UNC13B: variants seen among roughly 807,000 people sequenced by gnomAD.
UNC13B encodes unc-13 homolog B.
A neutral mutation model predicts 211.0 loss-of-function variants in UNC13B; 144 were observed. That is an observed-to-expected ratio of 0.68 (90% CI 0.60 to 0.78). The LOEUF is 0.78. Ranked by LOEUF, UNC13B falls within the 30% of genes least tolerant of loss-of-function variation. The pLI is 0.00. For missense variants in UNC13B, 1,777 were observed against 2,002.0 expected (o/e 0.89, Z 2.14); for synonymous variants, 709 against 725.8 (o/e 0.98, Z 0.37).
intron 1 of UNC13B, among the ~76,000 whole-genome samples, chr9:35,225,510 C>G (rs1456920768): frequency 6.6e-6 from 1 of 151,912 alleles, no homozygotes; most frequent in Non-Finnish European, 1.5e-5. Flanking sequence ...ACAATTCCTT[C>G]TTTTAATGTT....
chr9:35,198,763 T>C lies in UNC13B; in HGVS notation c.23-29252T>C, dbSNP rs1384502077. 2.6e-5 allele frequency among the ~76,000 whole-genome samples: 4 copies of C among 152,108 alleles called. No homozygotes were observed. In the East Asian group the frequency reaches 7.7e-4, roughly 29 times the overall value. ...AGGCTGAGGAGTTTTCAGATGGAGA[T>C]GAGGAACTTACTGGGAACTGGAGCA... On this transcript the variant is annotated intron_variant, in intron 1 of 39. Transcript: ENST00000635942.
chr9:35,169,833 A>G (rs1018999499), intron 1 of UNC13B, among the ~76,000 whole-genome samples: 3 of 152,242 alleles, frequency 2.0e-5, no homozygotes, highest in Non-Finnish European at 4.4e-5. Flanking sequence ...CTTTAGGCCA[A>G]TAAGCTTAAT....
At chr9:35,259,795 G>GC (rs1257249928) in intron 7 of UNC13B, among the ~76,000 whole-genome samples, 2 of 130,226 alleles carry the variant, frequency 1.5e-5, no homozygotes, top group Non-Finnish European at 3.2e-5. Flanking sequence ...GTAGGGGGAT[G>GC]CGGGGGGGGG....
chr9:35,201,693 A>AT lies in UNC13B; in HGVS notation c.23-26316dup, dbSNP rs1231833422. 2.0e-5 allele frequency among the ~76,000 whole-genome samples: 3 copies of AT among 151,986 alleles called. No individual in the cohort carries two copies. The East Asian group carries it at 5.8e-4, about 29-fold the overall frequency. The stretch of plus-strand genomic sequence containing the variant: ...GATCGGTGGTGATATCCCCTTTATC[A>AT]TTTTTTACTGCGTCTATTTGATTCT... On this transcript the variant is annotated intron_variant, in intron 1 of 39. Transcript: ENST00000635942.
At chr9:35,319,838 T>C (rs1830652392) in intron 11 of UNC13B, among the ~76,000 whole-genome samples, 2 of 152,102 alleles carry the variant, frequency 1.3e-5, no homozygotes, top group South Asian at 4.2e-4. Flanking sequence ...TAAAAAATTC[T>C]TGTGTAGAGA....
At chr9:35,374,751 G>A (rs1834287148) in intron 13 of UNC13B, among the ~76,000 whole-genome samples, 1 of 152,198 alleles carries the variant, frequency 6.6e-6, no homozygotes, top group Non-Finnish European at 1.5e-5. Flanking sequence ...ACAGAGTTGT[G>A]TGTCTCTATT....
chr9:35,226,355 T>C (rs543695329), intron 1 of UNC13B, among the ~76,000 whole-genome samples: 1 of 150,846 alleles, frequency 6.6e-6, no homozygotes, highest in Admixed American at 6.6e-5. Context: ...ACTGATAGGG[T>C]GTGTGTGTGT....
intron 27 of UNC13B, 96 bp from the exon 28 acceptor site, chr9:35,396,745 C>G: frequency 6.3e-7 from 1 of 1,598,936 alleles, no homozygotes; most frequent in Non-Finnish European, 8.6e-7. Flanking sequence ...TAAACTGTGC[C>G]CTGCCATCCC....
chr9:35,209,868 T>G (rs1401902375), intron 1 of UNC13B, among the ~76,000 whole-genome samples: 1 of 152,204 alleles, frequency 6.6e-6, no homozygotes, highest in Non-Finnish European at 1.5e-5. Flanking sequence ...AACCTTATTT[T>G]TAGTGTTATG....
intron 1 of UNC13B, among the ~76,000 whole-genome samples, chr9:35,168,686 T>A (rs1458902011): frequency 6.6e-6 from 1 of 150,616 alleles, no homozygotes; most frequent in Non-Finnish European, 1.5e-5. Context: ...ATTTTCCATA[T>A]GAACATGTAT....
intron 1 of UNC13B, among the ~76,000 whole-genome samples, chr9:35,163,167 C>G (rs930003283): frequency 6.6e-6 from 1 of 152,112 alleles, no homozygotes; most frequent in Non-Finnish European, 1.5e-5. Flanking sequence ...TTTGGATTAG[C>G]CATTGAATTT....
At chr9:35,217,396 G>A (rs917940140) in intron 1 of UNC13B, among the ~76,000 whole-genome samples, 4 of 139,330 alleles carry the variant, frequency 2.9e-5, no homozygotes, top group African/African-American at 7.8e-5. Flanking sequence ...TGTTTTTTTT[G>A]TTTTTTTTTT....
rs1369809913 is a variant in UNC13B at position 35,299,099 on chromosome 9, G to A, written c.762-1067G>A. Among the ~76,000 whole-genome samples, 4 of 152,246 alleles carry A rather than the reference G, an allele frequency of 2.6e-5. No individual in the cohort carries two copies. In the East Asian group the frequency reaches 7.7e-4, roughly 29 times the overall value. ...ATACAAAAATTAGCTGGGCCTAGTC[G>A]TGGGTGCCTGTAGACCCAGCTACTC... is the stretch of plus-strand genomic sequence containing the variant. On this transcript the variant is annotated intron_variant, in intron 8 of 39. Transcript: ENST00000635942.
At position 35,306,645 on chromosome 9, in the gene UNC13B, C is replaced by A; in HGVS notation, c.7241C>A (p.Pro2414His). ...DPVNLPLEKA[P>H]DEVLPQILEP... ...GTGAACTTGCCATTAGAAAAGGCCC[C>A]CGATGAGGTCTTACCACAGATCCTA... The change falls in exon 9 of 40, where the codon CCC (proline) becomes CAC (histidine). Residue 2414 changes from proline (P) to histidine (H), a missense_variant. Transcript: ENST00000635942. 1 of 399,010 alleles carries A rather than the reference C, an allele frequency of 2.5e-6. No individual in the cohort carries two copies. Among genetic ancestry groups the A allele is most frequent in the South Asian group, 1.3e-4 (1 of 7,840 alleles). The allele number at this position is 399,010 out of a possible 1,614,324, so 24.7% of individuals were successfully genotyped here.
At chr9:35,252,174 G>T (rs1204218221) in intron 6 of UNC13B, among the ~76,000 whole-genome samples, 1 of 152,082 alleles carries the variant, frequency 6.6e-6, no homozygotes, top group East Asian at 1.9e-4. Flanking sequence ...GTTCATTTTT[G>T]TGATAGAGGT....
At chr9:35,257,320 T>G (rs1826944518) in intron 6 of UNC13B, among the ~76,000 whole-genome samples, 1 of 138,934 alleles carries the variant, frequency 7.2e-6, no homozygotes. Flanking sequence ...TATAAATATT[T>G]ATAAAAATAT....
intron 9 of UNC13B, 136 bp from the exon 10 acceptor site, chr9:35,310,331 T>G: frequency 1.1e-6 from 1 of 887,536 alleles, no homozygotes; most frequent in Non-Finnish European, 1.7e-6. Context: ...ATTATGAAGT[T>G]TGGTCCTCTC....
At chr9:35,262,955 T>A (rs538334970) in intron 7 of UNC13B, among the ~76,000 whole-genome samples, 20 of 151,976 alleles carry the variant, frequency 1.3e-4, no homozygotes, top group Non-Finnish European at 2.5e-4. Context: ...ACCAAACCAA[T>A]ACAAAAACAA....
chr9:35,264,499 A>G lies in UNC13B; in HGVS notation c.526+5449A>G, dbSNP rs371558852. Among the ~76,000 whole-genome samples the G allele has an allele frequency of 7.5e-4, 115 of 152,334 alleles. 1 individual carries two copies. The South Asian group carries it at 0.019, about 25-fold the overall frequency. ...TGAAGATGTGATGTGGCTTTCCCTT[A>G]CTGCTTGTAGTAAAATGCAAGAGGA... On this transcript the variant is annotated intron_variant, in intron 7 of 39. Coordinates refer to ENST00000635942, the MANE Select transcript of UNC13B (RefSeq NM_001371189.2).
Sources: allele counts gnomAD v4.1 joint callset (sites outside exome capture counted in the v4.1 genomes callset), GRCh38; gene constraint gnomAD v4.1.1; transcripts MANE v1.5; gene names NCBI Gene and HGNC (gene_info 2026-07-23, HGNC 2026-07-21).